Variants in ROBO1 observed in about 807,000 individuals in gnomAD.
The protein encoded by ROBO1 is roundabout guidance receptor 1.
ROBO1 carries 149 observed loss-of-function variants against 195.9 expected under a neutral mutation model. The observed-to-expected ratio is 0.76, with a 90% CI of 0.67 to 0.87. The LOEUF (loss-of-function observed/expected upper bound fraction) is 0.87. Ranked by LOEUF, ROBO1 falls within the 40% of genes least tolerant of loss-of-function variation. The pLI is 0.00. For missense variants in ROBO1, 1,933 were observed against 2,068.3 expected (o/e 0.93, Z 1.27); for synonymous variants, 816 against 733.2 (o/e 1.11, Z -1.82).
rs79624358 is a variant in ROBO1 at position 79,607,956 on chromosome 3, A to G, written c.-50-17995T>C. 2.4e-3 allele frequency among the ~76,000 whole-genome samples: 369 copies of G among 152,188 alleles called. 2 individuals are homozygous for G. The highest frequency in any genetic ancestry group is 8.6e-3 in the African/African-American group (358 of 41,568). On this transcript the variant is annotated intron_variant, in intron 1 of 30. Coordinates refer to ENST00000464233, the MANE Select transcript of ROBO1 (RefSeq NM_002941.4). ...CAAAAGTCTCACAGGATTCAAAACTAAACAGAATATTGAAGCTAAATCACG... is the reference window on the plus strand; with the variant it reads ...CAAAAGTCTCACAGGATTCAAAACTGAACAGAATATTGAAGCTAAATCACG...
At chr3:79,704,340 C>A (rs1947706194) in intron 1 of ROBO1, among the ~76,000 whole-genome samples, 1 of 151,988 alleles carries the variant, frequency 6.6e-6, no homozygotes, top group Non-Finnish European at 1.5e-5. Flanking sequence ...TCTACCTATT[C>A]ATGTCTCCCA....
intron 2 of ROBO1, among the ~76,000 whole-genome samples, chr3:79,393,784 T>C (rs1252568677): frequency 6.6e-6 from 1 of 152,186 alleles, no homozygotes; most frequent in Non-Finnish European, 1.5e-5. Context: ...TAAAATATTC[T>C]ATAATCAATA....
chr3:78,961,028 T>C (rs2041318432), intron 3 of ROBO1, among the ~76,000 whole-genome samples: 1 of 152,162 alleles, frequency 6.6e-6, no homozygotes, highest in South Asian at 2.1e-4. Context: ...TTTTCAGAGT[T>C]CTCATTTTCC....
intron 10 of ROBO1, among the ~76,000 whole-genome samples, chr3:78,671,712 A>T (rs919490810): frequency 1.3e-5 from 2 of 152,158 alleles, no homozygotes; most frequent in Admixed American, 1.3e-4. Context: ...TGAAATTTGC[A>T]ATATCAAGGG....
chr3:79,563,509 C>G (rs533477950), intron 2 of ROBO1, among the ~76,000 whole-genome samples: 1 of 152,036 alleles, frequency 6.6e-6, no homozygotes, highest in East Asian at 1.9e-4. Flanking sequence ...CTATGTTTGG[C>G]ATATATACTC....
At chr3:79,369,830 TC>T (rs1370619873) in intron 2 of ROBO1, among the ~76,000 whole-genome samples, 1 of 152,154 alleles carries the variant, frequency 6.6e-6, no homozygotes, top group Non-Finnish European at 1.5e-5. Context: ...TAAAACTGAT[TC>T]CTTCAAGAAT....
intron 2 of ROBO1, among the ~76,000 whole-genome samples, chr3:79,413,335 C>A (rs2037859759): frequency 6.6e-6 from 1 of 151,998 alleles, no homozygotes; most frequent in Non-Finnish European, 1.5e-5. Context: ...GGGTATAAGG[C>A]AAGAGGGATA....
intron 1 of ROBO1, among the ~76,000 whole-genome samples, chr3:79,759,475 T>G (rs909279828): frequency 1.3e-5 from 2 of 152,218 alleles, no homozygotes; most frequent in Non-Finnish European, 2.9e-5. Flanking sequence ...TTTCTAAGGT[T>G]TACCTTTGCT....
chr3:79,395,722 G>A (rs1451468722), intron 2 of ROBO1, among the ~76,000 whole-genome samples: 2 of 152,002 alleles, frequency 1.3e-5, no homozygotes, highest in South Asian at 2.1e-4. Flanking sequence ...AATTTTTCAT[G>A]ACAGTATGTG....
intron 2 of ROBO1, among the ~76,000 whole-genome samples, chr3:79,365,939 C>T (rs2035962895): frequency 6.6e-6 from 1 of 151,710 alleles, no homozygotes; most frequent in Non-Finnish European, 1.5e-5. Flanking sequence ...TGAGGCTTCT[C>T]CCTCCACTTT....
chr3:78,632,891 G>A (rs763996671), intron 24 of ROBO1, among the ~76,000 whole-genome samples: 3 of 152,072 alleles, frequency 2.0e-5, no homozygotes, highest in Non-Finnish European at 4.4e-5. Context: ...ATTCAGGATT[G>A]ACTTAGCTTC....
chr3:79,510,728 C>A (rs893240318), intron 2 of ROBO1, among the ~76,000 whole-genome samples: 1 of 151,972 alleles, frequency 6.6e-6, no homozygotes, highest in African/African-American at 2.4e-5. Context: ...ACAGAGAAGT[C>A]TTGAAAAAGA....
rs115892269 is a variant in ROBO1 at position 79,428,700 on chromosome 3, A to G, written c.88+161124T>C. Reference sequence around the variant, plus strand: ...GTTTATATCAGCTTTATTCATAATCACCTCCACCTGGTAACAACCAATTGT... The same window carrying G: ...GTTTATATCAGCTTTATTCATAATCGCCTCCACCTGGTAACAACCAATTGT... On this transcript the variant is annotated intron_variant, in intron 2 of 30. Transcript: ENST00000464233. Among the ~76,000 whole-genome samples the G allele has an allele frequency of 8.4e-3, 1,272 of 152,228 alleles. 23 individuals are homozygous for G. Among genetic ancestry groups the G allele is most frequent in the African/African-American group, 0.029 (1,212 of 41,532 alleles).
At chr3:79,174,640 C>G (rs1009477764) in intron 2 of ROBO1, among the ~76,000 whole-genome samples, 3 of 151,734 alleles carry the variant, frequency 2.0e-5, no homozygotes, top group Non-Finnish European at 4.4e-5. Flanking sequence ...TGATAGCAAA[C>G]GGTGAATACA....
chr3:78,967,908 T>C (rs974187638), intron 3 of ROBO1, among the ~76,000 whole-genome samples: 12 of 152,154 alleles, frequency 7.9e-5, no homozygotes, highest in African/African-American at 2.7e-4. Context: ...AGGTCATAAT[T>C]CTCCTGAGGT....
In ROBO1 at chr3:78,600,261, G is replaced by C; in HGVS notation, c.4793C>G (p.Pro1598Arg). 1 of 1,613,056 alleles carries C rather than the reference G, an allele frequency of 6.2e-7. No homozygotes were observed. The highest frequency in any genetic ancestry group is 1.1e-5 in the South Asian group (1 of 91,048). The change falls in exon 30 of 31, where the codon CCC becomes CGC. Residue 1598 changes from proline (P) to arginine (R), a missense_variant. This residue lies in a region of ROBO1 where 1,737 missense variants were observed against 1,882.5 expected (regional missense o/e 0.92). Transcript: ENST00000464233. ...CRPTFPTSNNPRDPSSSSSMS... is the reference protein window; with the variant it reads ...CRPTFPTSNNRRDPSSSSSMS... The stretch of plus-strand genomic sequence containing the variant: ...TGAGCTTGAGGAACTGGGATCTCTG[G>C]GATTATTTGATGTTGGAAAAGTAGG...
intron 2 of ROBO1, among the ~76,000 whole-genome samples, chr3:79,308,863 A>G (rs759825587): frequency 3.3e-5 from 5 of 152,220 alleles, no homozygotes; most frequent in Non-Finnish European, 7.3e-5. Context: ...TTTTATAACA[A>G]TCAGGTCTAT....
chr3:79,097,057 CTTAA>C (rs1441999108), intron 3 of ROBO1, among the ~76,000 whole-genome samples: 2 of 151,728 alleles, frequency 1.3e-5, no homozygotes, highest in Non-Finnish European at 2.9e-5. Context: ...TTAAAACAAT[CTTAA>C]TTAACAAATC....
At chr3:79,754,251 T>G (rs544368649) in intron 1 of ROBO1, among the ~76,000 whole-genome samples, 1 of 152,312 alleles carries the variant, frequency 6.6e-6, no homozygotes, top group East Asian at 1.9e-4. Context: ...TATAAGCATA[T>G]TTTATATGCA....
Sources: allele counts gnomAD v4.1 joint callset (sites outside exome capture counted in the v4.1 genomes callset), GRCh38; gene constraint gnomAD v4.1.1; regional missense constraint gnomAD v4.1.1; transcripts MANE v1.5; gene names NCBI Gene and HGNC (gene_info 2026-07-23, HGNC 2026-07-21).